VPS28: variants seen among roughly 807,000 people sequenced by gnomAD.
VPS28 encodes the protein vacuolar protein sorting-associated protein 28 homolog.
A neutral mutation model predicts 33.7 loss-of-function variants in VPS28; 29 were observed. The observed-to-expected ratio is 0.86, with a 90% CI of 0.64 to 1.17. The LOEUF (loss-of-function observed/expected upper bound fraction) is 1.17, where lower values mean the gene tolerates loss of function less well. VPS28 is among the 50% of genes most tolerant of loss of function. The pLI, the probability that VPS28 is intolerant of heterozygous loss-of-function variation, is 0.00. For missense variants in VPS28, 247 were observed against 312.2 expected (o/e 0.79, Z 1.57); for synonymous variants, 164 against 116.7 (o/e 1.40, Z -2.61).
chr8:144,424,898 C>T, intron 6 of VPS28, 48 bp downstream of exon 6: 1 of 1,610,572 alleles, frequency 6.2e-7, no homozygotes, highest in Non-Finnish European at 8.5e-7. Context: ...ACCCCATACC[C>T]ATGCCCGACA....
chr8:144,425,078 G>C (rs1376046317), intron 5 of VPS28, 27 bp from the exon 6 acceptor site: 2 of 1,543,304 alleles, frequency 1.3e-6, no homozygotes, highest in Admixed American at 3.9e-5. Flanking sequence ...TGCTGCCCAA[G>C]CATGGGACCA....
Position 144,426,930 on chromosome 8 carries a change from G to T in VPS28, c.16C>A (p.Pro6Thr). The T allele has an allele frequency of 6.2e-7, 1 of 1,612,684 alleles. No individual in the cohort carries two copies. Among genetic ancestry groups the T allele is most frequent in the East Asian group, 2.2e-5 (1 of 44,866 alleles). MFHGI[P>T]ATPGIGAPGN... is the part of the protein sequence containing the mutation. The stretch of plus-strand genomic sequence containing the variant: ...TCACCTCCTATGCCCGGCGTGGCTG[G>T]GATCCCATGAAACATCCTCTAGGCT... The change falls in exon 2 of 10, where the codon CCA becomes ACA. Residue 6 changes from proline (P) to threonine (T), a missense_variant. By Grantham distance (38) the Pro-to-Thr change is conservative. Around this residue, in one of 3 missense-constraint regions of VPS28, gnomAD observed 149 missense variants for 172.8 expected, o/e 0.86. Coordinates refer to ENST00000292510, the MANE Select transcript of VPS28 (RefSeq NM_016208.4).
chr8:144,427,027 C>G, intron 1 of VPS28, 48 bp from the exon 2 acceptor site: 1 of 1,461,864 alleles, frequency 6.8e-7, no homozygotes, highest in Non-Finnish European at 9.3e-7. Context: ...CTAAGCCAGG[C>G]GCTGGCTCAC....
intron 2 of VPS28, chr8:144,426,420 T>G: frequency 1.7e-6 from 1 of 589,478 alleles, no homozygotes; most frequent in Non-Finnish European, 2.8e-6. Context: ...GGGGGCCGCA[T>G]GACAGGCCCA....
intron 5 of VPS28, 87 bp downstream of exon 5, chr8:144,425,596 C>T: frequency 6.9e-7 from 1 of 1,456,612 alleles, no homozygotes; most frequent in Non-Finnish European, 9.5e-7. Context: ...GGGTGCCTCC[C>T]AGCCTGACAG....
intron 2 of VPS28, 106 bp downstream of exon 2, chr8:144,426,803 G>A (rs1309195967): frequency 6.9e-6 from 9 of 1,310,964 alleles, no homozygotes; most frequent in South Asian, 3.9e-5. Flanking sequence ...AAGGCTGTAC[G>A]AGAGCAGGGT....
intron 1 of VPS28, 73 bp from the exon 2 acceptor site, chr8:144,427,052 C>G (rs1322434589): frequency 3.2e-6 from 4 of 1,247,024 alleles, no homozygotes; most frequent in Non-Finnish European, 4.5e-6. Flanking sequence ...GTAATCCCAG[C>G]ACTTTGGGAG....
rs114724208 is a variant in VPS28 at position 144,426,565 on chromosome 8, T to C, written c.37+344A>G. The C allele has an allele frequency of 4.5e-3, 1,919 of 425,414 alleles. 20 individuals are homozygous for C. The highest frequency in any genetic ancestry group is 0.024 in the African/African-American group (1,160 of 48,602). 26.4% of individuals were successfully genotyped at this position (425,414 alleles called of 1,614,324 possible). On this transcript the variant is annotated intron_variant, in intron 2 of 9. Coordinates refer to ENST00000292510, the MANE Select transcript of VPS28 (RefSeq NM_016208.4). ...ACCATGGCTCCCTGGCGGAGTCACCTGCACAACAGTGGCCACGCCCTGCTC... is the reference window on the plus strand; with the variant it reads ...ACCATGGCTCCCTGGCGGAGTCACCCGCACAACAGTGGCCACGCCCTGCTC...
At position 144,423,896 on chromosome 8, in the gene VPS28, G is replaced by A. The variant is rs1011043203; in HGVS notation, c.575C>T (p.Ala192Val). 6.2e-7 allele frequency: 1 copy of A among 1,613,128 alleles called. No homozygotes were observed. The highest frequency in any genetic ancestry group is 8.5e-7 in the Non-Finnish European group (1 of 1,180,036). The part of the protein sequence containing the change: ...QWLQTLSGMS[A>V]SDELDDSQVR... ...CTGTGAGTCGTCCAGCTCATCTGAC[G>A]CCGACATGCCGCTCAGGGTCTGCAG... is the stretch of plus-strand genomic sequence containing the variant. The change falls in exon 10 of 10, where the codon GCG becomes GTG. Residue 192 changes from alanine to valine, a missense_variant. This residue lies in a region of VPS28 where 95 missense variants were observed against 118.3 expected (regional missense o/e 0.80). Coordinates refer to ENST00000292510, the MANE Select transcript of VPS28 (RefSeq NM_016208.4).
At chr8:144,426,498 GC>G in intron 2 of VPS28, 1 of 470,892 alleles carries the variant, frequency 2.1e-6, no homozygotes, top group Non-Finnish European at 3.8e-6. Flanking sequence ...CTCCACTGCG[GC>G]TCCCCGGGGG....
rs188649814 is a variant in VPS28, at chr8:144,425,644, C to A, written c.194+39G>T. On this transcript the variant is annotated intron_variant, in intron 5 of 9. Coordinates refer to ENST00000292510, the MANE Select transcript of VPS28 (RefSeq NM_016208.4). The stretch of plus-strand genomic sequence containing the variant: ...GCTGCCTATGGAGCACCCAAGCCCC[C>A]CAGGGCAGGAACAGACCTCCCAGGA... The A allele has an allele frequency of 2.0e-4, 317 of 1,608,182 alleles. 1 individual carries two copies. The African/African-American group carries it at 3.5e-3, about 18-fold the overall frequency.
At chr8:144,425,968 C>T in intron 4 of VPS28, 58 bp downstream of exon 4, 2 of 1,470,566 alleles carry the variant, frequency 1.4e-6, no homozygotes, top group Non-Finnish European at 1.8e-6. Context: ...GGAGGGGCTG[C>T]CCCAGGGCAG....
chr8:144,424,492 G>A lies in VPS28; in HGVS notation c.403-224C>T. 1.3e-5 allele frequency: 10 copies of A among 793,896 alleles called. No individual in the cohort carries two copies. The South Asian group carries it at 1.6e-4, about 13-fold the overall frequency. 49.2% of individuals were successfully genotyped at this position (793,896 alleles called of 1,614,324 possible). A position where few individuals can be genotyped will look rare whatever the true frequency, so the allele number is the denominator to read the frequency against. The stretch of plus-strand genomic sequence containing the variant: ...CACCCACACTCTCTCCCGAGGCCAG[G>A]ACCCCGCCAGAACGCACCCTGTGCT... On this transcript the variant is annotated intron_variant, in intron 7 of 9. Coordinates refer to ENST00000292510, the MANE Select transcript of VPS28 (RefSeq NM_016208.4).
chr8:144,425,042 T>C lies in VPS28; in HGVS notation c.204A>G (p.Ala68=). The C allele has an allele frequency of 1.3e-6, 2 of 1,551,830 alleles. No homozygotes were observed. Among genetic ancestry groups the C allele is most frequent in the Non-Finnish European group, 1.7e-6 (2 of 1,147,090 alleles). The change falls in exon 6 of 10, where the codon GCA becomes GCG. Residue 68 remains alanine (A), a synonymous_variant. Transcript: ENST00000292510. ...ATTGGACCAGGAGCCGGGAGCAGGC[T>C]GCAGTGTACCTAGGGAGAGGTCAGC... ...KDCVSPSEYT[A]ACSRLLVQYK... is the part of the protein sequence containing the mutation.
At chr8:144,427,710 T>C (rs1554877200) in intron 1 of VPS28, among the ~76,000 whole-genome samples, 1 of 152,112 alleles carries the variant, frequency 6.6e-6, no homozygotes, top group African/African-American at 2.4e-5. Context: ...GGCAGCGAGC[T>C]GTGGAGAAAC....
intron 7 of VPS28, chr8:144,424,510 CCT>C (rs1430495717): frequency 4.1e-5 from 32 of 785,520 alleles, no homozygotes; most frequent in Non-Finnish European, 6.0e-5. Flanking sequence ...CAGAACGCAC[CCT>C]GTGCTCATCC....
chr8:144,424,483 C>T (rs540682300), intron 7 of VPS28: 23 of 808,060 alleles, frequency 2.8e-5, no homozygotes, highest in East Asian at 2.7e-4. Flanking sequence ...CACTCTCTCC[C>T]GAGGCCAGGA....
At chr8:144,428,004 G>C (rs531299537) in intron 1 of VPS28, among the ~76,000 whole-genome samples, 1 of 152,150 alleles carries the variant, frequency 6.6e-6, no homozygotes, top group Non-Finnish European at 1.5e-5. Context: ...GGGAGTGGAC[G>C]GTGCTACCGG....
intron 1 of VPS28, among the ~76,000 whole-genome samples, chr8:144,427,909 G>A (rs114654473): frequency 0.028 from 4,315 of 152,280 alleles, 189 homozygotes; most frequent in African/African-American, 0.098. Flanking sequence ...CTCAGACGGA[G>A]AGGGGAGGAG....
Sources: allele counts gnomAD v4.1 joint callset (sites outside exome capture counted in the v4.1 genomes callset), GRCh38; gene constraint gnomAD v4.1.1; regional missense constraint gnomAD v4.1.1; transcripts MANE v1.5; gene names NCBI Gene and HGNC (gene_info 2026-07-23, HGNC 2026-07-21).